MSI2: variants seen among roughly 807,000 people sequenced by gnomAD.
MSI2 encodes RNA-binding protein Musashi homolog 2.
Under a neutral mutation model 45.6 loss-of-function variants are expected in MSI2, and 17 were observed. The ratio of observed to expected loss-of-function variants is 0.37; its 90% CI spans 0.26 to 0.56. The LOEUF is 0.56. MSI2 is among the 20% of genes least tolerant of loss of function. MSI2 has a pLI of 0.77. For missense variants in MSI2, 293 were observed against 444.2 expected (o/e 0.66, Z 3.06); for synonymous variants, 156 against 158.2 (o/e 0.99, Z 0.11).
intron 5 of MSI2, among the ~76,000 whole-genome samples, chr17:57,370,222 C>T (rs1200680264): frequency 6.6e-6 from 1 of 152,154 alleles, no homozygotes; most frequent in Non-Finnish European, 1.5e-5. Context: ...GCCCTGGTGC[C>T]TAAGGTCTTG....
intron 5 of MSI2, among the ~76,000 whole-genome samples, chr17:57,361,888 C>T (rs1368214204): frequency 6.6e-6 from 1 of 152,188 alleles, no homozygotes; most frequent in South Asian, 2.1e-4. Flanking sequence ...TGTCCTGGAT[C>T]ATTTTATATA....
chr17:57,515,872 A>G (rs974441389), intron 6 of MSI2, among the ~76,000 whole-genome samples: 1 of 152,210 alleles, frequency 6.6e-6, no homozygotes, highest in Admixed American at 6.5e-5. Context: ...TCTTGAAATC[A>G]TGAGCCCCCT....
At chr17:57,512,622 C>T (rs1248331225) in intron 6 of MSI2, among the ~76,000 whole-genome samples, 2 of 152,154 alleles carry the variant, frequency 1.3e-5, no homozygotes, top group Non-Finnish European at 2.9e-5. Flanking sequence ...CATCTCATGT[C>T]GGCACAAGCC....
At chr17:57,419,070 C>T (rs2084347458) in intron 6 of MSI2, among the ~76,000 whole-genome samples, 1 of 152,084 alleles carries the variant, frequency 6.6e-6, no homozygotes, top group Admixed American at 6.5e-5. Flanking sequence ...CAAATTAGTC[C>T]AAGGCAGGTA....
chr17:57,489,451 G>A (rs189192240), intron 6 of MSI2, among the ~76,000 whole-genome samples: 1 of 152,208 alleles, frequency 6.6e-6, no homozygotes, highest in Non-Finnish European at 1.5e-5. Context: ...TGCAGGCAAG[G>A]AAGAAGCAGC....
chr17:57,545,863 G>A (rs954892440), intron 7 of MSI2, among the ~76,000 whole-genome samples: 6 of 152,076 alleles, frequency 3.9e-5, no homozygotes, highest in African/African-American at 1.4e-4. Context: ...GAATAACAGC[G>A]GCCACCGGCT....
intron 9 of MSI2, among the ~76,000 whole-genome samples, chr17:57,623,141 C>G (rs1263772918): frequency 6.6e-6 from 1 of 152,190 alleles, no homozygotes; most frequent in Admixed American, 6.5e-5. Flanking sequence ...TTAGCCTTCG[C>G]GTCCTTGCCT....
chr17:57,519,433 G>A (rs903544199), intron 6 of MSI2, among the ~76,000 whole-genome samples: 7 of 152,090 alleles, frequency 4.6e-5, no homozygotes, highest in Admixed American at 2.0e-4. Context: ...TGCACGGGGC[G>A]GGGAGACTCG....
chr17:57,373,190 C>T (rs1464953026), intron 5 of MSI2, among the ~76,000 whole-genome samples: 1 of 150,196 alleles, frequency 6.7e-6, no homozygotes, highest in Non-Finnish European at 1.5e-5. Flanking sequence ...ACGGAGGTTG[C>T]AGTGAGCTGA....
At chr17:57,345,344 C>T (rs1027755239) in intron 5 of MSI2, among the ~76,000 whole-genome samples, 3 of 152,134 alleles carry the variant, frequency 2.0e-5, no homozygotes, top group Non-Finnish European at 2.9e-5. Flanking sequence ...GAGAGAAGCC[C>T]TGCTGCCATA....
intron 6 of MSI2, among the ~76,000 whole-genome samples, chr17:57,484,810 A>G (rs1299412004): frequency 2.0e-5 from 3 of 152,000 alleles, no homozygotes; most frequent in Non-Finnish European, 4.4e-5. Flanking sequence ...CTCTCATGTC[A>G]GCAATGCCAC....
chr17:57,435,836 G>A (rs1187008127), intron 6 of MSI2, among the ~76,000 whole-genome samples: 1 of 152,182 alleles, frequency 6.6e-6, no homozygotes, highest in African/African-American at 2.4e-5. Flanking sequence ...GGGGTAGGGG[G>A]TAAGCCCATC....
At chr17:57,525,446 G>A (rs2086677568) in intron 6 of MSI2, among the ~76,000 whole-genome samples, 1 of 152,094 alleles carries the variant, frequency 6.6e-6, no homozygotes, top group Non-Finnish European at 1.5e-5. Context: ...CACAATGCCT[G>A]GCTAAGTTTT....
chr17:57,479,739 C>T (rs2085611339), intron 6 of MSI2, among the ~76,000 whole-genome samples: 1 of 152,166 alleles, frequency 6.6e-6, no homozygotes, highest in African/African-American at 2.4e-5. Flanking sequence ...CAGCAAGGTT[C>T]TCATGGCCAC....
intron 6 of MSI2, among the ~76,000 whole-genome samples, chr17:57,429,950 C>T (rs2084565240): frequency 6.6e-6 from 1 of 152,158 alleles, no homozygotes; most frequent in Non-Finnish European, 1.5e-5. Flanking sequence ...TGGGCAAATT[C>T]ATCTGTAAAA....
chr17:57,524,874 C>T (rs1029376111), intron 6 of MSI2, among the ~76,000 whole-genome samples: 2 of 152,208 alleles, frequency 1.3e-5, no homozygotes, highest in Non-Finnish European at 2.9e-5. Context: ...TGTCTTTAAC[C>T]TTTGCTCTTG....
intron 5 of MSI2, among the ~76,000 whole-genome samples, chr17:57,289,917 G>A (rs564851002): frequency 6.6e-6 from 1 of 152,366 alleles, no homozygotes; most frequent in Non-Finnish European, 1.5e-5. Flanking sequence ...GTTGGACTTA[G>A]GAGAACCAGA....
intron 6 of MSI2, among the ~76,000 whole-genome samples, chr17:57,458,245 C>T (rs980755955): frequency 6.6e-6 from 1 of 151,856 alleles, no homozygotes; most frequent in African/African-American, 2.4e-5. Flanking sequence ...GGACTACGGG[C>T]GCCCACCACC....
intron 7 of MSI2, among the ~76,000 whole-genome samples, chr17:57,594,831 A>T (rs544163926): frequency 6.6e-6 from 1 of 152,312 alleles, no homozygotes; most frequent in South Asian, 2.1e-4. Flanking sequence ...GAGCCCCTCC[A>T]GCAGACACTC....
Sources: gnomAD v4.1 joint callset for allele counts (sites outside exome capture counted in the v4.1 genomes callset) on GRCh38, gnomAD v4.1.1 for gene constraint, MANE v1.5 for transcripts, NCBI Gene and HGNC (gene_info 2026-07-23, HGNC 2026-07-21) for gene names.